The following TRIM75 variants were observed in gnomAD, a reference collection of about 807,000 sequenced individuals.
TRIM75 encodes the protein tripartite motif containing 75.
At chr4:165,054,516 C>T in the TRIM75 span, among the ~76,000 whole-genome samples, 140 of 152,090 alleles carry the variant, frequency 9.2e-4, no homozygotes, top group South Asian at 0.012. Context: ...ATCCACCCGC[C>T]GTGGCCTCCC....
At chr4:165,054,628 G>A in the TRIM75 span, among the ~76,000 whole-genome samples, 8 of 152,148 alleles carry the variant, frequency 5.3e-5, no homozygotes, top group Admixed American at 5.2e-4. Flanking sequence ...TCGAACCCCT[G>A]ATCTCAAGTG....
the TRIM75 span, chr4:165,059,682 C>G: frequency 1.3e-6 from 1 of 780,844 alleles, no homozygotes; most frequent in Non-Finnish European, 2.4e-6. Context: ...GGTGGAAAAC[C>G]AAAGGCAGGA....
At chr4:165,058,714 T>C in the TRIM75 span, among the ~76,000 whole-genome samples, 1 of 152,058 alleles carries the variant, frequency 6.6e-6, no homozygotes, top group Non-Finnish European at 1.5e-5. Flanking sequence ...GGCTAGAATG[T>C]GGTGGAGGTT....
At chr4:165,054,812 A>T in the TRIM75 span, among the ~76,000 whole-genome samples, 1 of 152,154 alleles carries the variant, frequency 6.6e-6, no homozygotes, top group Non-Finnish European at 1.5e-5. Flanking sequence ...CTGAGAGCCC[A>T]CCCTGTCCTA....
the TRIM75 span, among the ~76,000 whole-genome samples, chr4:165,057,521 TTTTTTTG>T: frequency 3.9e-5 from 6 of 152,108 alleles, no homozygotes; most frequent in South Asian, 2.1e-4. Flanking sequence ...TTTTTAAGTA[TTTTTTTG>T]TTTTTTGTTT....
the TRIM75 span, among the ~76,000 whole-genome samples, chr4:165,058,069 AATAG>A: frequency 1.2e-4 from 18 of 152,310 alleles, no homozygotes; most frequent in East Asian, 2.1e-3. Flanking sequence ...TCATTTCACA[AATAG>A]ATAGGTCTTC....
the TRIM75 span, among the ~76,000 whole-genome samples, chr4:165,057,761 T>C: frequency 6.6e-6 from 1 of 152,260 alleles, no homozygotes; most frequent in South Asian, 2.1e-4. Context: ...CTCAAACTCC[T>C]GAACTCAACT....
the TRIM75 span, chr4:165,059,535 G>A: frequency 1.3e-6 from 1 of 780,922 alleles, no homozygotes; most frequent in African/African-American, 1.7e-5. Flanking sequence ...GGGCCACCAT[G>A]TGAGGCCCAT....
the TRIM75 span, among the ~76,000 whole-genome samples, chr4:165,058,620 G>T: frequency 1.6e-4 from 25 of 152,266 alleles, no homozygotes; most frequent in Admixed American, 2.6e-4. Context: ...GGGGATTGTG[G>T]TTCCAACTAT....
At chr4:165,059,442 A>G in the TRIM75 span, 1 of 780,806 alleles carries the variant, frequency 1.3e-6, no homozygotes, top group East Asian at 2.4e-5. Context: ...CTTGTGCGAG[A>G]AACACAACCA....
chr4:165,059,663 G>T, the TRIM75 span: 1 of 780,886 alleles, frequency 1.3e-6, no homozygotes, highest in Non-Finnish European at 2.4e-6. Context: ...CCTTAGAACT[G>T]AGAGAGATGG....
At chr4:165,056,991 CAG>C in the TRIM75 span, among the ~76,000 whole-genome samples, 1 of 152,060 alleles carries the variant, frequency 6.6e-6, no homozygotes, top group African/African-American at 2.4e-5. Flanking sequence ...TAGCTGTGAA[CAG>C]AGTGAAAAAT....
chr4:165,060,422 A>G, the TRIM75 span: 9 of 780,744 alleles, frequency 1.2e-5, no homozygotes, highest in Non-Finnish European at 2.2e-5. Context: ...GTGAGATCTC[A>G]TTCTATAACA....
the TRIM75 span, among the ~76,000 whole-genome samples, chr4:165,056,546 A>T: frequency 6.6e-6 from 1 of 150,960 alleles, no homozygotes; most frequent in Non-Finnish European, 1.5e-5. Flanking sequence ...GCATGCTCAC[A>T]TAATAGACAA....
the TRIM75 span, among the ~76,000 whole-genome samples, chr4:165,054,788 TAA>T: frequency 6.6e-6 from 1 of 152,142 alleles, no homozygotes; most frequent in Non-Finnish European, 1.5e-5. Flanking sequence ...AAATGCTTAC[TAA>T]AAAAAGTTAA....
the TRIM75 span, chr4:165,060,405 G>A: frequency 1.3e-6 from 1 of 780,780 alleles, no homozygotes; most frequent in African/African-American, 1.7e-5. Context: ...CCTGGACTAT[G>A]AGATGGGTGA....
At chr4:165,060,283 C>T in the TRIM75 span, 1 of 780,934 alleles carries the variant, frequency 1.3e-6, no homozygotes, top group Non-Finnish European at 2.4e-6. Context: ...AGACCCTCAT[C>T]AGCCCAGCAG....
At chr4:165,060,268 C>T in the TRIM75 span, 28 of 780,740 alleles carry the variant, frequency 3.6e-5, no homozygotes, top group Admixed American at 8.5e-5. Flanking sequence ...CCCACAAAGG[C>T]GAGGAGACCC....
chr4:165,056,405 A>T, the TRIM75 span, among the ~76,000 whole-genome samples: 1 of 151,858 alleles, frequency 6.6e-6, no homozygotes, highest in African/African-American at 2.4e-5. Flanking sequence ...TGTCTTCAGG[A>T]CTGTCCCTTC....
Sources: gnomAD v4.1 joint callset for allele counts (sites outside exome capture counted in the v4.1 genomes callset) on GRCh38, gnomAD v4.1.1 for gene constraint, MANE v1.5 for transcripts, NCBI Gene and HGNC (gene_info 2026-07-23, HGNC 2026-07-21) for gene names.